MCTP1: variants seen among roughly 807,000 people sequenced by gnomAD.
MCTP1 encodes the protein multiple C2 and transmembrane domain containing 1.
A neutral mutation model predicts 120.6 loss-of-function variants in MCTP1; 69 were observed. The observed-to-expected ratio is 0.57, with a 90% CI of 0.47 to 0.70. The LOEUF (loss-of-function observed/expected upper bound fraction) is 0.70, where lower values mean the gene tolerates loss of function less well. Ranked by LOEUF, MCTP1 falls within the 30% of genes least tolerant of loss-of-function variation. MCTP1 has a pLI of 0.00. For synonymous variants in MCTP1, 529 were observed against 493.1 expected, an observed-to-expected ratio of 1.07 and a Z score of -0.96; for missense variants, 1,203 against 1,248.8, an observed-to-expected ratio of 0.96 and a Z score of 0.55.
chr5:94,713,538 A>C (rs747832567), intron 20 of MCTP1, among the ~76,000 whole-genome samples: 5 of 152,190 alleles, frequency 3.3e-5, no homozygotes, highest in Middle Eastern at 3.2e-3. Context: ...AGATAAAAGA[A>C]AGACAGCACT....
At chr5:94,905,615 G>A (rs1581271626) in intron 10 of MCTP1, among the ~76,000 whole-genome samples, 1 of 152,126 alleles carries the variant, frequency 6.6e-6, no homozygotes, top group East Asian at 1.9e-4. Flanking sequence ...GAGAAAGAAA[G>A]GAATCAAACA....
chr5:94,944,593 G>C (rs1818486201), intron 3 of MCTP1, among the ~76,000 whole-genome samples: 1 of 152,168 alleles, frequency 6.6e-6, no homozygotes, highest in Non-Finnish European at 1.5e-5. Context: ...TGTGAATCCA[G>C]TGAATTTATT....
At chr5:94,854,591 C>T (rs747883248) in intron 17 of MCTP1, among the ~76,000 whole-genome samples, 27 of 151,836 alleles carry the variant, frequency 1.8e-4, no homozygotes, top group Non-Finnish European at 2.2e-4. Context: ...TGACAATTAC[C>T]GAGCTCGCTG....
chr5:94,740,049 A>G (rs914568115), intron 19 of MCTP1, among the ~76,000 whole-genome samples: 3 of 152,248 alleles, frequency 2.0e-5, no homozygotes, highest in African/African-American at 7.2e-5. Flanking sequence ...TACTTGCCAG[A>G]CACAATATTT....
intron 15 of MCTP1, 124 bp from the exon 16 acceptor site, chr5:94,870,615 A>G: frequency 1.3e-6 from 1 of 767,130 alleles, no homozygotes; most frequent in Non-Finnish European, 2.2e-6. Flanking sequence ...CTCATAAAAT[A>G]TAAATGTATA....
In MCTP1 at chr5:94,973,784, G is replaced by A. The variant is rs530613827; in HGVS notation, c.839-20423C>T. Among the ~76,000 whole-genome samples, 3 of 152,178 alleles carry A rather than the reference G, an allele frequency of 2.0e-5. No individual in the cohort carries two copies. The East Asian group carries it at 5.8e-4, about 29-fold the overall frequency. On this transcript the variant is annotated intron_variant, in intron 2 of 22. Transcript: ENST00000515393. ...GTATATTTCTGAGGGGGATGAAAAG[G>A]CTCATGACCACTCCATCTGTAATAG...
intron 1 of MCTP1, among the ~76,000 whole-genome samples, chr5:95,277,693 G>A (rs1468115673): frequency 1.3e-5 from 2 of 152,316 alleles, no homozygotes; most frequent in South Asian, 2.1e-4. Context: ...AGTTCAGATT[G>A]TTAATGCTGA....
At chr5:95,178,818 C>T (rs1041850655) in intron 1 of MCTP1, among the ~76,000 whole-genome samples, 6 of 152,084 alleles carry the variant, frequency 3.9e-5, no homozygotes, top group African/African-American at 4.8e-5. Context: ...TGGATCCAAA[C>T]CAAGACAAAA....
intron 17 of MCTP1, among the ~76,000 whole-genome samples, chr5:94,830,389 C>T (rs1788237065): frequency 1.3e-5 from 2 of 152,162 alleles, no homozygotes; most frequent in Non-Finnish European, 2.9e-5. Context: ...GACAACTTCC[C>T]TGCTTTTACT....
At chr5:95,282,647 A>C (rs886738212) in intron 1 of MCTP1, among the ~76,000 whole-genome samples, 2 of 152,210 alleles carry the variant, frequency 1.3e-5, no homozygotes, top group Non-Finnish European at 2.9e-5. Context: ...TGTCACTATT[A>C]TCTCTACTTA....
At chr5:95,273,836 A>G (rs1003580964) in intron 1 of MCTP1, among the ~76,000 whole-genome samples, 1 of 152,232 alleles carries the variant, frequency 6.6e-6, no homozygotes, top group African/African-American at 2.4e-5. Context: ...GGAAAAATCA[A>G]AAACATAAGA....
At chr5:94,933,839 A>T (rs963647981) in intron 5 of MCTP1, among the ~76,000 whole-genome samples, 1 of 152,018 alleles carries the variant, frequency 6.6e-6, no homozygotes, top group African/African-American at 2.4e-5. Context: ...TAAACAAAAC[A>T]TAGGACCAGT....
At chr5:95,054,236 T>C (rs1390096085) in intron 1 of MCTP1, among the ~76,000 whole-genome samples, 1 of 152,186 alleles carries the variant, frequency 6.6e-6, no homozygotes, top group African/African-American at 2.4e-5. Flanking sequence ...GTTACTGTAG[T>C]AGTGGAGCCA....
rs1013662652 is a variant in MCTP1, at chr5:94,766,371, T to C, written c.2610+12739A>G. The stretch of plus-strand genomic sequence containing the variant: ...AAAATGGATGAGTTCATGTCCTTTG[T>C]AGGGACATGGATGAAGCTGGAAACC... On this transcript the variant is annotated intron_variant, in intron 19 of 22. Transcript: ENST00000515393. Among the ~76,000 whole-genome samples the C allele has an allele frequency of 5.9e-5, 9 of 152,114 alleles. No homozygotes were observed. The East Asian group carries it at 1.7e-3, about 29-fold the overall frequency.
intron 11 of MCTP1, among the ~76,000 whole-genome samples, chr5:94,891,147 A>C (rs1802508111): frequency 6.6e-6 from 1 of 152,210 alleles, no homozygotes; most frequent in African/African-American, 2.4e-5. Flanking sequence ...TCATAGCCTA[A>C]CTTTTTATAA....
At chr5:95,109,953 G>T (rs1008329288) in intron 1 of MCTP1, among the ~76,000 whole-genome samples, 1 of 152,152 alleles carries the variant, frequency 6.6e-6, no homozygotes, top group African/African-American at 2.4e-5. Flanking sequence ...ACAATTCCTA[G>T]ACTATGCCTA....
At chr5:94,957,802 C>T (rs1823014188) in intron 2 of MCTP1, among the ~76,000 whole-genome samples, 1 of 152,230 alleles carries the variant, frequency 6.6e-6, no homozygotes, top group South Asian at 2.1e-4. Context: ...GAGACTTAGA[C>T]TCCCACACAA....
chr5:95,061,662 C>G (rs1485601395), intron 1 of MCTP1, among the ~76,000 whole-genome samples: 1 of 151,674 alleles, frequency 6.6e-6, no homozygotes, highest in Admixed American at 6.6e-5. Context: ...GTCTCGATCT[C>G]CTGACCTCGT....
At chr5:95,033,115 C>A (rs926372704) in intron 1 of MCTP1, among the ~76,000 whole-genome samples, 1 of 151,774 alleles carries the variant, frequency 6.6e-6, no homozygotes, top group East Asian at 1.9e-4. Flanking sequence ...AATCTACCAA[C>A]CAAATAAAAG....
Sources: allele counts gnomAD v4.1 joint callset (sites outside exome capture counted in the v4.1 genomes callset), GRCh38; gene constraint gnomAD v4.1.1; transcripts MANE v1.5; gene names NCBI Gene and HGNC (gene_info 2026-07-23, HGNC 2026-07-21).